The following RANBP2 variants were observed in gnomAD, a reference collection of about 807,000 sequenced individuals.
RANBP2 encodes the protein E3 SUMO-protein ligase RanBP2.
A neutral mutation model predicts 303.6 loss-of-function variants in RANBP2; 57 were observed. The observed-to-expected ratio is 0.19, with a 90% CI of 0.15 to 0.23. The LOEUF (loss-of-function observed/expected upper bound fraction) is 0.23, where lower values mean the gene tolerates loss of function less well. Ranked by LOEUF, RANBP2 falls within the 10% of genes least tolerant of loss-of-function variation. RANBP2 has a pLI of 1.00. For synonymous variants in RANBP2, 1,167 were observed against 1,301.5 expected (o/e 0.90, Z 2.23); for missense variants, 3,138 against 3,780.8 (o/e 0.83, Z 4.46).
chr2:108,919,633 C>T, the RANBP2 span, among the ~76,000 whole-genome samples: 7 of 152,294 alleles, frequency 4.6e-5, no homozygotes, highest in South Asian at 1.2e-3. Context: ...GCTGAGATTT[C>T]AGGTGTGAGC....
chr2:109,471,079 G>A, the RANBP2 span, among the ~76,000 whole-genome samples: 5 of 152,110 alleles, frequency 3.3e-5, no homozygotes, highest in East Asian at 7.7e-4. Context: ...AATTAGTTGG[G>A]TGTGTTGGCA....
At chr2:109,341,757 T>C in the RANBP2 span, among the ~76,000 whole-genome samples, 1 of 152,212 alleles carries the variant, frequency 6.6e-6, no homozygotes, top group Non-Finnish European at 1.5e-5. Flanking sequence ...CAGATTTCCT[T>C]ATGCATGTCA....
chr2:108,865,019 A>G, the RANBP2 span, among the ~76,000 whole-genome samples: 2 of 152,094 alleles, frequency 1.3e-5, no homozygotes, highest in African/African-American at 4.8e-5. Context: ...TACAAAAGTG[A>G]AAAGTCTGCC....
the RANBP2 span, among the ~76,000 whole-genome samples, chr2:108,915,587 C>T: frequency 1.3e-5 from 2 of 152,226 alleles, no homozygotes; most frequent in African/African-American, 4.8e-5. Flanking sequence ...TACTTGGCCT[C>T]AGAACCAGTG....
the RANBP2 span, among the ~76,000 whole-genome samples, chr2:109,086,833 A>G: frequency 2.2e-3 from 332 of 152,234 alleles, 1 homozygote; most frequent in Middle Eastern, 6.8e-3. Context: ...TGTGGCTGAA[A>G]ACAGTGCCTC....
chr2:109,531,517 T>C, the RANBP2 span, among the ~76,000 whole-genome samples: 1 of 152,232 alleles, frequency 6.6e-6, no homozygotes, highest in Non-Finnish European at 1.5e-5. Flanking sequence ...ATCTGTCTCT[T>C]GGATATGCAT....
At chr2:109,213,316 G>A in the RANBP2 span, among the ~76,000 whole-genome samples, 1 of 152,172 alleles carries the variant, frequency 6.6e-6, no homozygotes, top group South Asian at 2.1e-4. Flanking sequence ...ATAAGGCTAT[G>A]TGTACGCCAA....
the RANBP2 span, among the ~76,000 whole-genome samples, chr2:109,641,560 A>G: frequency 3.3e-5 from 5 of 152,158 alleles, no homozygotes; most frequent in Non-Finnish European, 5.9e-5. Flanking sequence ...TAGAGACAGA[A>G]AGTACAATGA....
chr2:109,261,343 C>G, the RANBP2 span, among the ~76,000 whole-genome samples: 9 of 152,318 alleles, frequency 5.9e-5, no homozygotes, highest in African/African-American at 1.9e-4. Context: ...CAGCACACAG[C>G]AAGAGCTCTA....
At chr2:109,449,596 G>T in the RANBP2 span, 1 of 1,366,610 alleles carries the variant, frequency 7.3e-7, no homozygotes, top group East Asian at 2.6e-5. Flanking sequence ...TAGAATGTGG[G>T]CTCCAAGTGC....
At chr2:109,370,795 T>TGTG in the RANBP2 span, among the ~76,000 whole-genome samples, 2 of 152,176 alleles carry the variant, frequency 1.3e-5, no homozygotes, top group African/African-American at 4.8e-5. Context: ...TCTCCTTCCA[T>TGTG]CTGTTTCCAC....
At chr2:108,788,995 T>C (rs1679444985), downstream of RANBP2, 9 of 1,611,918 alleles carry the variant, frequency 5.6e-6, no homozygotes, top group South Asian at 7.7e-5. Context: ...TTACTGTTGC[T>C]ACCCCCTCAG....
the RANBP2 span, among the ~76,000 whole-genome samples, chr2:109,479,674 C>A: frequency 1.3e-5 from 2 of 152,108 alleles, no homozygotes; most frequent in African/African-American, 4.8e-5. Context: ...TTTGTCTCCT[C>A]ATTTTTAAAA....
the RANBP2 span, among the ~76,000 whole-genome samples, chr2:109,688,874 A>G: frequency 8.8e-5 from 11 of 125,658 alleles, no homozygotes; most frequent in Admixed American, 5.0e-4. Flanking sequence ...GCCTACATTT[A>G]TTTTCCTTCC....
the RANBP2 span, among the ~76,000 whole-genome samples, chr2:109,176,575 TTAAAA>T: frequency 2.0e-5 from 3 of 152,150 alleles, no homozygotes; most frequent in African/African-American, 7.2e-5. Flanking sequence ...CTACAAAAAA[TTAAAA>T]TAAAAAATTA....
At chr2:109,479,810 A>C in the RANBP2 span, among the ~76,000 whole-genome samples, 1 of 152,152 alleles carries the variant, frequency 6.6e-6, no homozygotes, top group African/African-American at 2.4e-5. Flanking sequence ...CAGACCCCCA[A>C]AACCATCCAC....
At chr2:109,518,845 G>A in the RANBP2 span, among the ~76,000 whole-genome samples, 5 of 151,654 alleles carry the variant, frequency 3.3e-5, no homozygotes, top group African/African-American at 9.7e-5. Context: ...ACTTACAATC[G>A]TGGCAGAAGC....
rs762422176 is a variant in RANBP2 at position 108,751,440 on chromosome 2, C to G, written c.1450C>G (p.Leu484Val). 1.4e-5 allele frequency: 22 copies of G among 1,611,830 alleles called. No individual in the cohort carries two copies. The highest frequency in any genetic ancestry group is 1.9e-5 in the Non-Finnish European group (22 of 1,179,866). ...ACCTGAATCAATATGTATTTTAGATCTTGAAGTAAGCAAAGATTTTAACAA... is the reference window on the plus strand; with the variant it reads ...ACCTGAATCAATATGTATTTTAGATGTTGAAGTAAGCAAAGATTTTAACAA... ...NAPESICILD[L>V]EVFLLGVVYT... The change falls in exon 10 of 29, where the codon CTT (leucine) becomes GTT (valine). Residue 484 changes from leucine (L) to valine (V), a missense_variant. Physicochemically the swap from Leu to Val is conservative, Grantham distance 32. This residue lies in a region of RANBP2 where 162 missense variants were observed against 286.9 expected (regional missense o/e 0.56). Transcript: ENST00000283195.
the RANBP2 span, among the ~76,000 whole-genome samples, chr2:109,050,830 T>C: frequency 1.3e-5 from 2 of 152,122 alleles, no homozygotes; most frequent in Non-Finnish European, 2.9e-5. Context: ...TATTAAATAA[T>C]TGCATCCACA....
Sources: gnomAD v4.1 joint callset for allele counts (sites outside exome capture counted in the v4.1 genomes callset) on GRCh38, gnomAD v4.1.1 for gene constraint, gnomAD v4.1.1 regional missense constraint, MANE v1.5 for transcripts, NCBI Gene and HGNC (gene_info 2026-07-23, HGNC 2026-07-21) for gene names.